Variants in LURAP1L observed in about 807,000 individuals in gnomAD.
LURAP1L encodes the protein leucine rich adaptor protein 1 like.
Under a neutral mutation model 13.8 loss-of-function variants are expected in LURAP1L, and 12 were observed. The observed-to-expected ratio is 0.87, with a 90% CI of 0.56 to 1.41. The LOEUF is 1.41. LURAP1L is among the 40% of genes most tolerant of loss of function. The pLI is 0.00. For missense variants in LURAP1L, 375 were observed against 292.9 expected (o/e 1.28, Z -2.04); for synonymous variants, 139 against 119.2 (o/e 1.17, Z -1.08).
Position 12,803,268 on chromosome 9 carries a change from T to A in LURAP1L, c.313-18118T>A, listed in dbSNP as rs543882236. On this transcript the variant is annotated intron_variant, in intron 1 of 1. Transcript: ENST00000319264. ...TTCCTATCACTTCTAACATGCTGTA[T>A]CAGAGAACCAAGACATTTTCAGGCT... 1.5e-4 allele frequency among the ~76,000 whole-genome samples: 23 copies of A among 152,322 alleles called. No homozygotes were observed. The East Asian group carries it at 4.2e-3, about 28-fold the overall frequency.
At chr9:12,781,467 G>T (rs1451105992) in intron 1 of LURAP1L, among the ~76,000 whole-genome samples, 1 of 152,076 alleles carries the variant, frequency 6.6e-6, no homozygotes, top group Admixed American at 6.6e-5. Context: ...GAGTTCAACT[G>T]TTTTCATTTT....
At chr9:12,797,643 T>C (rs1819526982) in intron 1 of LURAP1L, among the ~76,000 whole-genome samples, 2 of 152,138 alleles carry the variant, frequency 1.3e-5, no homozygotes, top group African/African-American at 4.8e-5. Flanking sequence ...TTTATCTGTA[T>C]TATAACTTAG....
chr9:12,788,183 G>GAAAGAAAGAA (rs1554657465), intron 1 of LURAP1L, among the ~76,000 whole-genome samples: 15 of 146,946 alleles, frequency 1.0e-4, no homozygotes, highest in African/African-American at 3.6e-4. Flanking sequence ...AAGAAAGAAA[G>GAAAGAAAGAA]AAAGAAAGAA....
At chr9:12,779,293 G>A (rs1391497646) in intron 1 of LURAP1L, among the ~76,000 whole-genome samples, 5 of 7,672 alleles carry the variant, frequency 6.5e-4, no homozygotes, top group Non-Finnish European at 1.3e-3. Context: ...TTTTTTTTTT[G>A]AGACGGAGTC....
At chr9:12,808,516 A>T (rs1819691960) in intron 1 of LURAP1L, among the ~76,000 whole-genome samples, 1 of 152,044 alleles carries the variant, frequency 6.6e-6, no homozygotes, top group Admixed American at 6.6e-5. Context: ...ATTTTAGGTT[A>T]GTAGTCTTTT....
chr9:12,802,119 C>T (rs1476107774), intron 1 of LURAP1L, among the ~76,000 whole-genome samples: 1 of 152,132 alleles, frequency 6.6e-6, no homozygotes, highest in Non-Finnish European at 1.5e-5. Flanking sequence ...TCTAATTTCC[C>T]TACACAGCCC....
chr9:12,811,321 T>A (rs371713547), intron 1 of LURAP1L, among the ~76,000 whole-genome samples: 1 of 152,246 alleles, frequency 6.6e-6, no homozygotes, highest in Non-Finnish European at 1.5e-5. Context: ...ATCTTATCAA[T>A]GTATACCCTA....
Position 12,822,006 on chromosome 9 carries a change from A to C in LURAP1L, c.*246A>C. On this transcript the variant is annotated 3_prime_UTR_variant, in exon 2 of 2. Coordinates refer to ENST00000319264, the MANE Select transcript of LURAP1L (RefSeq NM_203403.2). ...TTCTCCCTTCTTTTACAGTAGCACA[A>C]ACAAAGTAGGGGGAAAAGAATAAGC... 2.5e-6 allele frequency: 1 copy of C among 402,440 alleles called. No individual in the cohort carries two copies. Among genetic ancestry groups the C allele is most frequent in the South Asian group, 6.7e-5 (1 of 14,896 alleles). The allele number at this position is 402,440 out of a possible 1,614,324, so 24.9% of individuals were successfully genotyped here.
rs188070945 is a variant in LURAP1L at position 12,786,147 on chromosome 9, C to T, written c.312+10120C>T. ...GTATTATGTCATTTCATTCTCATGC[C>T]TCACCCACTTATGAGGTAGACACTA... is the stretch of plus-strand genomic sequence containing the variant. On this transcript the variant is annotated intron_variant, in intron 1 of 1. Transcript: ENST00000319264. Among the ~76,000 whole-genome samples, 51 of 152,072 alleles carry T rather than the reference C, an allele frequency of 3.4e-4. 1 individual carries two copies. Among genetic ancestry groups the T allele is most frequent in the African/African-American group, 1.1e-3 (47 of 41,500 alleles).
At chr9:12,795,317 G>C (rs1819498259) in intron 1 of LURAP1L, among the ~76,000 whole-genome samples, 1 of 151,994 alleles carries the variant, frequency 6.6e-6, no homozygotes, top group African/African-American at 2.4e-5. Context: ...TTCGTGGCTA[G>C]AACCAGGTCC....
intron 1 of LURAP1L, chr9:12,777,518 T>C (rs1311992963): frequency 1.0e-6 from 1 of 983,232 alleles, no homozygotes; most frequent in Non-Finnish European, 1.2e-6. Flanking sequence ...TCTTCTGTAA[T>C]TTTACCCATG....
At chr9:12,783,842 T>C (rs564875985) in intron 1 of LURAP1L, among the ~76,000 whole-genome samples, 4 of 150,722 alleles carry the variant, frequency 2.7e-5, no homozygotes, top group African/African-American at 7.3e-5. Flanking sequence ...TTTTTTTTTT[T>C]AATAATTTTG....
intron 1 of LURAP1L, among the ~76,000 whole-genome samples, chr9:12,788,187 G>GAAAGAAAGAAAGAAAGAAAAGA (rs374048758): frequency 7.3e-5 from 10 of 136,702 alleles, no homozygotes; most frequent in African/African-American, 2.7e-4. Flanking sequence ...AAGAAAGAAA[G>GAAAGAAAGAAAGAAAGAAAAGA]AAAGAAAAGA....
chr9:12,795,904 A>T (rs1193239478), intron 1 of LURAP1L, among the ~76,000 whole-genome samples: 1 of 152,090 alleles, frequency 6.6e-6, no homozygotes, highest in Non-Finnish European at 1.5e-5. Context: ...CAGTAAAATT[A>T]AAAATGACAA....
At position 12,821,807 on chromosome 9, in the gene LURAP1L, CCTT is replaced by C. The variant is rs752908498; in HGVS notation, c.*53_*55del. 1.1e-5 allele frequency: 17 copies of C among 1,549,668 alleles called. No individual in the cohort carries two copies. In the East Asian group the frequency reaches 1.8e-4, roughly 17 times the overall value. On this transcript the variant is annotated 3_prime_UTR_variant, in exon 2 of 2. Transcript: ENST00000319264. ...TGGTGTGCAATGAACTTGTATTTAT[CCTT>C]CTTCTCCGCTGCTATATTTTTGGTG... is the stretch of plus-strand genomic sequence containing the variant.
chr9:12,810,596 A>T (rs893909500), intron 1 of LURAP1L, among the ~76,000 whole-genome samples: 11 of 152,200 alleles, frequency 7.2e-5, no homozygotes, highest in African/African-American at 2.7e-4. Context: ...TTTATTAGAT[A>T]AATTAATATT....
At chr9:12,816,547 T>C (rs1371933555) in intron 1 of LURAP1L, among the ~76,000 whole-genome samples, 1 of 152,160 alleles carries the variant, frequency 6.6e-6, no homozygotes, top group South Asian at 2.1e-4. Flanking sequence ...TTTCTTAGAT[T>C]CCATTGTGCC....
At chr9:12,800,852 T>C (rs1218857238) in intron 1 of LURAP1L, among the ~76,000 whole-genome samples, 1 of 152,124 alleles carries the variant, frequency 6.6e-6, no homozygotes, top group Non-Finnish European at 1.5e-5. Context: ...AGGTATTTCT[T>C]TATAGTAATG....
chr9:12,806,046 T>C (rs1356607674), intron 1 of LURAP1L, among the ~76,000 whole-genome samples: 1 of 152,156 alleles, frequency 6.6e-6, no homozygotes, highest in Non-Finnish European at 1.5e-5. Context: ...CCCCAGGAGT[T>C]TCTTGGGCAA....
Sources: gnomAD v4.1 joint callset for allele counts (sites outside exome capture counted in the v4.1 genomes callset) on GRCh38, gnomAD v4.1.1 for gene constraint, MANE v1.5 for transcripts, NCBI Gene and HGNC (gene_info 2026-07-23, HGNC 2026-07-21) for gene names.